NLGN2: variants seen among roughly 807,000 people sequenced by gnomAD.
NLGN2 encodes the protein neuroligin 2.
In NLGN2, 11 loss-of-function variants were observed where a neutral mutation model predicts 48.6. The observed-to-expected ratio is 0.23, with a 90% CI of 0.14 to 0.37. The LOEUF (loss-of-function observed/expected upper bound fraction) is 0.37, where lower values mean the gene tolerates loss of function less well. Ranked by LOEUF, NLGN2 falls within the 10% of genes least tolerant of loss-of-function variation. NLGN2 has a pLI of 1.00. For missense variants in NLGN2, 801 were observed against 1,225.2 expected, an observed-to-expected ratio of 0.65 and a Z score of 5.17; for synonymous variants, 548 against 550.0, an observed-to-expected ratio of 1.00 and a Z score of 0.05.
intron 3 of NLGN2, 53 bp from the exon 4 acceptor site, chr17:7,414,610 G>A: frequency 6.2e-7 from 1 of 1,611,494 alleles, no homozygotes; most frequent in Middle Eastern, 1.9e-4. Context: ...GCCCAGAAAG[G>A]GGGCAGGGGC....
upstream of NLGN2, chr17:7,405,402 C>T (rs1445334477): frequency 2.6e-5 from 4 of 152,262 alleles, no homozygotes; most frequent in African/African-American, 9.7e-5. The surrounding 1 kb of genome is among the most constrained non-coding windows in gnomAD (Gnocchi z 6.8). Context: ...ATCCCATCCC[C>T]TAGCTCTCCT....
In NLGN2 at chr17:7,417,270, G is replaced by A. The variant is rs1390514030; in HGVS notation, c.1979G>A (p.Arg660Lys). Residue 660 changes from arginine (R) to lysine (K), a missense_variant, in exon 7 of 7, where the codon AGG becomes AAG. By Grantham distance (26) the Arg-to-Lys change is conservative. Transcript: ENST00000302926. ...GAGCCCGAGCCCGAGCCCGGCCCAA[G>A]GGCCTATGACCGCTTCCCCGGGGAC... ...PPEPEPEPGPRAYDRFPGDSR... is the reference protein window; with the variant it reads ...PPEPEPEPGPKAYDRFPGDSR... 2 of 1,579,970 alleles carry A rather than the reference G, an allele frequency of 1.3e-6. No homozygotes were observed. The highest frequency in any genetic ancestry group is 1.7e-6 in the Non-Finnish European group (2 of 1,165,784).
chr17:7,415,141 C>G lies in NLGN2; in HGVS notation c.1030C>G (p.Pro344Ala). 1 of 1,596,682 alleles carries G rather than the reference C, an allele frequency of 6.3e-7. No individual in the cohort carries two copies. Among genetic ancestry groups the G allele is most frequent in the East Asian group, 2.2e-5 (1 of 44,646 alleles). Residue 344 changes from proline to alanine, a missense_variant, in exon 5 of 7, where the codon CCT becomes GCT. Around this residue, in one of 5 missense-constraint regions of NLGN2, gnomAD observed 303 missense variants for 600.1 expected, o/e 0.50. Transcript: ENST00000302926. ...GGAGCTGGTGGACCAGGACGTGCAG[C>G]CTGCCCGGTATGGGGTGGGAGAGGG... Reference protein sequence around the residue: ...SRELVDQDVQPARYHIAFGPV... With the variant: ...SRELVDQDVQAARYHIAFGPV...
upstream of NLGN2, among the ~76,000 whole-genome samples, chr17:7,407,320 A>G (rs2150810230): frequency 6.6e-6 from 1 of 151,816 alleles, no homozygotes; most frequent in East Asian, 1.9e-4. Flanking sequence ...TCCCCTCCCT[A>G]CTCTAACCCC....
chr17:7,417,893 G>C lies in NLGN2; in HGVS notation c.*94G>C. The C allele has an allele frequency of 8.1e-7, 1 of 1,240,706 alleles. No homozygotes were observed. Among genetic ancestry groups the C allele is most frequent in the South Asian group, 2.6e-5 (1 of 39,214 alleles). 76.9% of individuals were successfully genotyped at this position (1,240,706 alleles called of 1,614,324 possible). On this transcript the variant is annotated 3_prime_UTR_variant, in exon 7 of 7. Transcript: ENST00000302926. ...CTTGGCAACTGGCTTTTCTCCTGTG[G>C]AGTCGTCACACGCCATCCAGCAGCG...
At chr17:7,414,320 A>G (rs755457621) in intron 2 of NLGN2, 24 bp from the exon 3 acceptor site, 62 of 1,223,762 alleles carry the variant, frequency 5.1e-5, no homozygotes. Context: ...CCCCTGGCCC[A>G]CCTGCCCACC....
chr17:7,410,569 C>T (rs1906840484), intron 1 of NLGN2, among the ~76,000 whole-genome samples: 1 of 152,090 alleles, frequency 6.6e-6, no homozygotes, highest in Non-Finnish European at 1.5e-5. Flanking sequence ...CTCTGCACAC[C>T]CCAGGGCCCC....
upstream of NLGN2, among the ~76,000 whole-genome samples, chr17:7,404,659 G>A (rs941838322): frequency 2.0e-5 from 3 of 150,824 alleles, no homozygotes; most frequent in Non-Finnish European, 4.4e-5. Flanking sequence ...CTCCGAGACC[G>A]CGAGAGCCCC....
upstream of NLGN2, chr17:7,405,150 G>A (rs1906576401): frequency 6.6e-6 from 1 of 151,402 alleles, no homozygotes; most frequent in African/African-American, 2.4e-5. This position sits in a 1 kb window ranked among gnomAD's most constrained non-coding sequence, Gnocchi z 6.8. Flanking sequence ...CCCTCCCCGA[G>A]GATTCCGGCT....
upstream of NLGN2, among the ~76,000 whole-genome samples, chr17:7,407,728 G>A (rs1369418403): frequency 6.6e-6 from 1 of 152,042 alleles, no homozygotes; most frequent in Non-Finnish European, 1.5e-5. Context: ...CCTCTGGCTG[G>A]GTCCTGGACT....
At chr17:7,410,392 C>T (rs1906833495) in intron 1 of NLGN2, among the ~76,000 whole-genome samples, 1 of 152,038 alleles carries the variant, frequency 6.6e-6, no homozygotes, top group South Asian at 2.1e-4. Flanking sequence ...CCCCATAAGC[C>T]ATTTATCCCA....
rs1290057275 is a variant in NLGN2, at chr17:7,412,168, A to G, written c.469A>G (p.Lys157Glu). 1.2e-6 allele frequency: 2 copies of G among 1,612,366 alleles called. No individual in the cohort carries two copies. Among genetic ancestry groups the G allele is most frequent in the Non-Finnish European group, 1.7e-6 (2 of 1,179,534 alleles). The change falls in exon 2 of 7, where the codon AAA (lysine) becomes GAA (glutamate). Residue 157 changes from lysine to glutamate, a missense_variant. Around this residue, in one of 5 missense-constraint regions of NLGN2, gnomAD observed 56 missense variants for 100.0 expected, o/e 0.56. Coordinates refer to ENST00000302926, the MANE Select transcript of NLGN2 (RefSeq NM_020795.4). ...GTTCCCGGTCTTAGGTCCGCTCACAAAAAAACGTGACGAGGCGACGCTCAA... is the reference window on the plus strand; with the variant it reads ...GTTCCCGGTCTTAGGTCCGCTCACAGAAAAACGTGACGAGGCGACGCTCAA... Reference protein sequence around the residue: ...YVPTEDGPLTKKRDEATLNPP... With the variant: ...YVPTEDGPLTEKRDEATLNPP...
At chr17:7,405,850 CCTT>C (rs958906068), upstream of NLGN2, among the ~76,000 whole-genome samples, 24 of 152,222 alleles carry the variant, frequency 1.6e-4, no homozygotes, top group Non-Finnish European at 1.5e-5. This position sits in a 1 kb window ranked among gnomAD's most constrained non-coding sequence, Gnocchi z 6.8. Context: ...CCCTCCCCCT[CCTT>C]CTCCCCTTCC....
chr17:7,416,285 A>G (rs1031697559), intron 6 of NLGN2, among the ~76,000 whole-genome samples, 178 bp downstream of exon 6: 4 of 152,172 alleles, frequency 2.6e-5, no homozygotes, highest in Non-Finnish European at 1.5e-5. Flanking sequence ...CAGACAGAGA[A>G]GCCGCTGTCC....
chr17:7,410,818 G>A (rs72842814), intron 1 of NLGN2, among the ~76,000 whole-genome samples: 2,685 of 151,332 alleles, frequency 0.018, 43 homozygotes, highest in Non-Finnish European at 0.027. Flanking sequence ...ACTCAGGCGC[G>A]CGCGCGCACA....
Position 7,417,501 on chromosome 17 carries a change from C to A in NLGN2, c.2210C>A (p.Pro737Gln), listed in dbSNP as rs999799137. The A allele has an allele frequency of 6.6e-7, 1 of 1,520,258 alleles. No homozygotes were observed. The highest frequency in any genetic ancestry group is 2.5e-5 in the East Asian group (1 of 40,164). 94.2% of individuals were successfully genotyped at this position (1,520,258 alleles called of 1,614,324 possible). A position where few individuals can be genotyped will look rare whatever the true frequency, so the allele number is the denominator to read the frequency against. The change falls in exon 7 of 7, where the codon CCA becomes CAA. Residue 737 changes from proline to glutamine, a missense_variant. Transcript: ENST00000302926. The part of the protein sequence containing the change: ...PLLPAAGREL[P>Q]PEEELVSLQL... Reference sequence around the variant, plus strand: ...CTCCCCGCCGCGGGCCGTGAGCTGCCACCAGAGGAGGAGCTGGTGTCACTG... The same window carrying A: ...CTCCCCGCCGCGGGCCGTGAGCTGCAACCAGAGGAGGAGCTGGTGTCACTG...
upstream of NLGN2, among the ~76,000 whole-genome samples, chr17:7,406,482 G>C (rs1906643836): frequency 6.6e-6 from 1 of 152,190 alleles, no homozygotes; most frequent in African/African-American, 2.4e-5. Flanking sequence ...TGGAGGAATA[G>C]AGGAGCCTTA....
intron 6 of NLGN2, 76 bp downstream of exon 6, chr17:7,416,183 C>A: frequency 8.2e-7 from 1 of 1,212,830 alleles, no homozygotes; most frequent in Non-Finnish European, 1.2e-6. Context: ...TCTGTTAAGG[C>A]ACTCACTCTG....
chr17:7,414,314 T>G, intron 2 of NLGN2, 30 bp from the exon 3 acceptor site: 218 of 1,298,426 alleles, frequency 1.7e-4, no homozygotes, highest in Non-Finnish European at 2.1e-4. Context: ...CCTGACCCCC[T>G]GGCCCACCTG....
Sources: allele counts gnomAD v4.1 joint callset (sites outside exome capture counted in the v4.1 genomes callset), GRCh38; gene constraint gnomAD v4.1.1; regional missense constraint gnomAD v4.1.1; non-coding constraint Gnocchi (gnomAD v3.1); transcripts MANE v1.5; gene names NCBI Gene and HGNC (gene_info 2026-07-23, HGNC 2026-07-21).